Variants in ATPAF1 observed in about 807,000 individuals in gnomAD.
The protein encoded by ATPAF1 is homolog of yeast ATP11.
ATPAF1 carries 26 observed loss-of-function variants against 43.9 expected under a neutral mutation model. The observed-to-expected ratio is 0.59, with a 90% CI of 0.43 to 0.82. The LOEUF is 0.82. ATPAF1 is among the 40% of genes least tolerant of loss of function. The pLI, the probability that ATPAF1 is intolerant of heterozygous loss-of-function variation, is 0.00. For missense variants in ATPAF1, 366 were observed against 435.0 expected, an observed-to-expected ratio of 0.84 and a Z score of 1.41; for synonymous variants, 157 against 168.0, an observed-to-expected ratio of 0.93 and a Z score of 0.50.
Position 46,668,303 on chromosome 1 carries a change from GCCA to G in ATPAF1, c.17_19del (p.Val6del), listed in dbSNP as rs1676530196. 7.2e-7 allele frequency: 1 copy of G among 1,379,532 alleles called. No individual in the cohort carries two copies. Among genetic ancestry groups the G allele is most frequent in the Non-Finnish European group, 9.4e-7 (1 of 1,061,778 alleles). 85.5% of individuals were successfully genotyped at this position (1,379,532 alleles called of 1,614,324 possible). On this transcript the variant is annotated inframe_deletion, in exon 1 of 9. Transcript: ENST00000574428. The surrounding 1 kb of genome is among the most constrained non-coding windows in gnomAD (Gnocchi z 4.4). ...CGCCGGTCCCGCGCCACCCGCAGCC[GCCA>G]CCACCACAGCAGCCATGGCCGCCCC...
intron 7 of ATPAF1, among the ~76,000 whole-genome samples, chr1:46,644,564 T>TA (rs1676004744): frequency 1.4e-5 from 2 of 140,112 alleles, no homozygotes; most frequent in Non-Finnish European, 3.2e-5. Flanking sequence ...AATTCGTGCT[T>TA]GTTTTTTGCC....
chr1:46,668,152 C>G lies in ATPAF1; in HGVS notation c.171G>C (p.Glu57Asp). 7.1e-7 allele frequency: 1 copy of G among 1,404,304 alleles called. No homozygotes were observed. The highest frequency in any genetic ancestry group is 1.6e-5 in the South Asian group (1 of 64,332). 87.0% of individuals were successfully genotyped at this position (1,404,304 alleles called of 1,614,324 possible). A position where few individuals can be genotyped will look rare whatever the true frequency, so the allele number is the denominator to read the frequency against. Residue 57 changes from glutamate to aspartate, a missense_variant, in exon 1 of 9, where the codon GAG becomes GAC. By Grantham distance (45) the Glu-to-Asp change is conservative. Transcript: ENST00000574428. The surrounding 1 kb of genome is among the most constrained non-coding windows in gnomAD (Gnocchi z 4.4). The stretch of plus-strand genomic sequence containing the variant: ...CGACCCCGCTGCTGTCGGCGCCCCC[C>G]TCGGGCCGGCCCGAGCCGGGGCGCA...
exon 9 of ATPAF1, chr1:46,635,046 TCTC>T (rs747547758): frequency 1.3e-5 from 2 of 152,598 alleles, no homozygotes; most frequent in East Asian, 1.9e-4. Flanking sequence ...GGATTAATCT[TCTC>T]CTTACAAAAG....
rs549690217 is a variant in ATPAF1 at position 46,647,424 on chromosome 1, G to A, written c.589-2168C>T. Among the ~76,000 whole-genome samples, 20 of 152,176 alleles carry A rather than the reference G, an allele frequency of 1.3e-4. No individual in the cohort carries two copies. In the South Asian group the frequency reaches 3.3e-3, roughly 25 times the overall value. The stretch of plus-strand genomic sequence containing the variant: ...GTTTTGCACATATGGCCCTTTCACA[G>A]AACACCATGTTGTTGCATGTATCAA... On this transcript the variant is annotated intron_variant, in intron 6 of 8. Coordinates refer to ENST00000574428, the Ensembl canonical transcript of ATPAF1.
Position 46,645,272 on chromosome 1 carries a change from A to G in ATPAF1, c.589-16T>C. ...CACATAGAAACTGTGAAAAACAGAT[A>G]TACAAGGAGACAGATGAATAAATGA... On this transcript the variant is annotated splice_polypyrimidine_tract_variant and intron_variant, in intron 6 of 8. Transcript: ENST00000574428. 14 of 1,565,862 alleles carry G rather than the reference A, an allele frequency of 8.9e-6. No homozygotes were observed. Among genetic ancestry groups the G allele is most frequent in the Non-Finnish European group, 1.2e-5 (14 of 1,136,530 alleles).
At chr1:46,645,904 G>A (rs1331342310) in intron 6 of ATPAF1, among the ~76,000 whole-genome samples, 1 of 152,176 alleles carries the variant, frequency 6.6e-6, no homozygotes, top group African/African-American at 2.4e-5. Context: ...GCTGGGCATG[G>A]TGGCTCACAC....
chr1:46,637,313 G>C (rs1459285558), intron 8 of ATPAF1, among the ~76,000 whole-genome samples: 1 of 152,170 alleles, frequency 6.6e-6, no homozygotes, highest in Non-Finnish European at 1.5e-5. Context: ...CCAGGAGTTT[G>C]AGGCTGCACT....
chr1:46,661,522 T>G (rs1676387029), intron 2 of ATPAF1, among the ~76,000 whole-genome samples: 1 of 152,210 alleles, frequency 6.6e-6, no homozygotes, highest in South Asian at 2.1e-4. Flanking sequence ...AATATTTACA[T>G]GCTAAAATAT....
chr1:46,643,236 CT>C lies in ATPAF1; in HGVS notation c.749del (p.Lys250ArgfsTer3), dbSNP rs747688130. 6.2e-7 allele frequency: 1 copy of C among 1,613,958 alleles called. No homozygotes were observed. The highest frequency in any genetic ancestry group is 8.5e-7 in the Non-Finnish European group (1 of 1,179,940). Reference sequence around the variant, plus strand: ...TTTCTGCAGTCATCAGCACTATGCCCTTTTCTTCCTTAAGTTCAGGATAGTG... The same window carrying C: ...TTTCTGCAGTCATCAGCACTATGCCCTTTCTTCCTTAAGTTCAGGATAGTG... On this transcript the variant is annotated frameshift_variant, in exon 8 of 9. Transcript: ENST00000574428. LOFTEE classifies it high-confidence loss of function.
chr1:46,649,847 G>C (rs1262515113), intron 6 of ATPAF1, among the ~76,000 whole-genome samples: 2 of 151,920 alleles, frequency 1.3e-5, no homozygotes, highest in Non-Finnish European at 2.9e-5. Flanking sequence ...TATTGCTTCA[G>C]CTGAAGAGAT....
chr1:46,656,364 A>C (rs1404493664), intron 4 of ATPAF1, among the ~76,000 whole-genome samples: 1 of 152,180 alleles, frequency 6.6e-6, no homozygotes, highest in Non-Finnish European at 1.5e-5. Flanking sequence ...TTTCTGTTAA[A>C]ATATGGGGCC....
At chr1:46,640,512 A>G (rs1198582434) in intron 8 of ATPAF1, among the ~76,000 whole-genome samples, 1 of 151,960 alleles carries the variant, frequency 6.6e-6, no homozygotes, top group Non-Finnish European at 1.5e-5. Flanking sequence ...CAGGAGGCTG[A>G]GGCAGGAGAA....
chr1:46,651,285 T>G (rs1334530047), intron 6 of ATPAF1, among the ~76,000 whole-genome samples: 1 of 152,122 alleles, frequency 6.6e-6, no homozygotes, highest in African/African-American at 2.4e-5. Context: ...TTACTGAGAA[T>G]GATGATTTCC....
intron 8 of ATPAF1, chr1:46,636,182 A>G: frequency 1.6e-6 from 1 of 628,642 alleles, no homozygotes; most frequent in East Asian, 2.8e-5. Context: ...ATCACACTGT[A>G]TTGTATTTTT....
At chr1:46,662,581 C>T (rs1328361667) in intron 2 of ATPAF1, among the ~76,000 whole-genome samples, 3 of 151,992 alleles carry the variant, frequency 2.0e-5, no homozygotes, top group African/African-American at 7.2e-5. Flanking sequence ...CGCCTGCTAC[C>T]ACACCCAGCT....
At chr1:46,660,919 T>C (rs1676374921) in intron 2 of ATPAF1, among the ~76,000 whole-genome samples, 1 of 151,756 alleles carries the variant, frequency 6.6e-6, no homozygotes, top group Non-Finnish European at 1.5e-5. Context: ...ATACCTATAA[T>C]ATTTCAATAT....
intron 1 of ATPAF1, chr1:46,665,648 T>C (rs1319460167): frequency 6.5e-7 from 1 of 1,534,248 alleles, no homozygotes; most frequent in Non-Finnish European, 8.7e-7. Flanking sequence ...GGTACTTACA[T>C]TCAGGGTACT....
intron 2 of ATPAF1, among the ~76,000 whole-genome samples, chr1:46,661,981 G>A (rs991199446): frequency 6.0e-5 from 9 of 149,820 alleles, no homozygotes; most frequent in Non-Finnish European, 8.9e-5. Flanking sequence ...TGCAGGCTCC[G>A]CCTCCTGGCT....
chr1:46,666,972 C>A (rs1569646033), intron 1 of ATPAF1, among the ~76,000 whole-genome samples: 1 of 152,192 alleles, frequency 6.6e-6, no homozygotes, highest in East Asian at 1.9e-4. Flanking sequence ...AAATACAGAT[C>A]AACGAGAGAA....
Sources: allele counts gnomAD v4.1 joint callset (sites outside exome capture counted in the v4.1 genomes callset), GRCh38; gene constraint gnomAD v4.1.1; non-coding constraint Gnocchi (gnomAD v3.1); transcripts MANE v1.5; gene names NCBI Gene and HGNC (gene_info 2026-07-23, HGNC 2026-07-21).